SPIN3: variants seen among roughly 807,000 people sequenced by gnomAD.
The protein encoded by SPIN3 is spindlin family member 3, also known as spindlin-3.
For synonymous variants in SPIN3, 74 were observed against 74.3 expected (o/e 1.00, Z 0.02); for missense variants, 176 against 196.4 (o/e 0.90, Z 0.62).
Position 56,994,552 on chromosome X carries a change from T to G in SPIN3, c.396A>C (p.Ala132=). Residue 132 remains alanine (A), a synonymous_variant, in exon 2 of 2, where the codon GCA becomes GCC. Transcript: ENST00000374919. ...CCTCTGTCTCAAAAATATGTTCCAC[T>G]GCTTTGCCAACCATTATTTCTGCCA... ...THLAEIMVGK[A]VEHIFETEEG... is the part of the protein sequence containing the mutation. 8.2e-7 allele frequency: 1 copy of G among 1,212,180 alleles called. No homozygotes were observed. Among genetic ancestry groups the G allele is most frequent in the Non-Finnish European group, 1.1e-6 (1 of 895,631 alleles).
Position 56,992,968 on chromosome X carries a change from A to G in SPIN3, c.*1203T>C, listed in dbSNP as rs1441314265. On this transcript the variant is annotated 3_prime_UTR_variant, in exon 2 of 2. Transcript: ENST00000374919. ...AAATCTATTAGATTTCTATCTACCA[A>G]TGCCAGCACTTAAAACATCATTAAG... 1.7e-5 allele frequency: 2 copies of G among 114,603 alleles called. No homozygotes were observed. Among genetic ancestry groups the G allele is most frequent in the Non-Finnish European group, 3.6e-5 (2 of 55,303 alleles). The allele number at this position is 114,603 out of a possible 1,213,427, so 9.4% of individuals were successfully genotyped here.
chrX:56,987,475 G>A (rs1291819749), downstream of SPIN3, among the ~76,000 whole-genome samples: 1 of 111,343 alleles, frequency 9.0e-6, no homozygotes, highest in East Asian at 2.8e-4. Context: ...CCATTGCTCT[G>A]CTTTTTTGTT....
At chrX:56,976,308 T>C (rs1399577423), downstream of SPIN3, 1 of 111,963 alleles carries the variant, frequency 8.9e-6, no homozygotes, top group African/African-American at 3.2e-5. Flanking sequence ...TGACTAGAAT[T>C]ATTCTGTGTG....
chrX:56,992,297 G>T lies in SPIN3; in HGVS notation c.*1874C>A. ...AGTCCAAAGGGTCAAGAAGACATAAGATTATCACAATATCAACCTCACATC... is the reference window on the plus strand; with the variant it reads ...AGTCCAAAGGGTCAAGAAGACATAATATTATCACAATATCAACCTCACATC... On this transcript the variant is annotated 3_prime_UTR_variant, in exon 2 of 2. Transcript: ENST00000374919. 3.4e-6 allele frequency: 1 copy of T among 296,674 alleles called. No homozygotes were observed. Among genetic ancestry groups the T allele is most frequent in the East Asian group, 4.8e-5 (1 of 21,043 alleles). The allele number at this position is 296,674 out of a possible 1,213,427, so 24.4% of individuals were successfully genotyped here. A position where few individuals can be genotyped will look rare whatever the true frequency, so the allele number is the denominator to read the frequency against.
chrX:56,985,453 G>A (rs1406520376), intron 2 of SPIN3, among the ~76,000 whole-genome samples: 2 of 112,314 alleles, frequency 1.8e-5, no homozygotes, highest in South Asian at 3.7e-4. Context: ...GGGGTTGAAA[G>A]GCCTGTAAAT....
rs1006655689 is a variant in SPIN3, at chrX:56,992,124, A to T, written c.*2047T>A. On this transcript the variant is annotated 3_prime_UTR_variant, in exon 2 of 2. Coordinates refer to ENST00000374919, the MANE Select transcript of SPIN3 (RefSeq NM_001010862.3). ...TTCTCGTTTTTCTCATTTCAGCCATATAGATCTCACAAAGATGTCTGCCCA... is the reference window on the plus strand; with the variant it reads ...TTCTCGTTTTTCTCATTTCAGCCATTTAGATCTCACAAAGATGTCTGCCCA... 3.7e-5 allele frequency: 11 copies of T among 296,024 alleles called. No homozygotes were observed. Among genetic ancestry groups the T allele is most frequent in the Admixed American group, 6.1e-5 (1 of 16,264 alleles). 24.4% of individuals were successfully genotyped at this position (296,024 alleles called of 1,213,427 possible). A position where few individuals can be genotyped will look rare whatever the true frequency, so the allele number is the denominator to read the frequency against.
At chrX:56,985,496 C>T (rs187683258) in intron 2 of SPIN3, among the ~76,000 whole-genome samples, 41 of 112,439 alleles carry the variant, frequency 3.6e-4, no homozygotes, top group African/African-American at 1.1e-3. Flanking sequence ...ATTCTAGTTC[C>T]ACAGCTTCCT....
rs1033178747 is a variant in SPIN3, at chrX:56,995,472, CGGCGGTGGCGGT to C, written c.-271_-260del. ...GCGTCCTCCGCCTTCCTGGTGGCGGCGGCGGTGGCGGTGGCCGCAGCCCCTCTCCCACATCGG... is the reference window on the plus strand; with the variant it reads ...GCGTCCTCCGCCTTCCTGGTGGCGGCGGCCGCAGCCCCTCTCCCACATCGG... On this transcript the variant is annotated 5_prime_UTR_variant, in exon 1 of 2. Transcript: ENST00000374919. 1 of 113,862 alleles carries C rather than the reference CGGCGGTGGCGGT, an allele frequency of 8.8e-6. No homozygotes were observed. The highest frequency in any genetic ancestry group is 3.2e-5 in the African/African-American group (1 of 30,839). The allele number at this position is 113,862 out of a possible 1,213,427, so 9.4% of individuals were successfully genotyped here. A position where few individuals can be genotyped will look rare whatever the true frequency, so the allele number is the denominator to read the frequency against.
chrX:56,979,042 T>A, intron 3 of SPIN3: 1 of 111,426 alleles, frequency 9.0e-6, no homozygotes, highest in Admixed American at 9.5e-5. Context: ...GATTCCAAAT[T>A]CCTTAAACCT....
chrX:56,989,726 C>T (rs1055497171), downstream of SPIN3, among the ~76,000 whole-genome samples: 1 of 111,416 alleles, frequency 9.0e-6, no homozygotes, highest in Non-Finnish European at 1.9e-5. Flanking sequence ...GTGAACTGTG[C>T]ATGCAAGGAA....
At chrX:56,976,986 C>T (rs1188265012) in exon 6 of SPIN3, 1 of 111,772 alleles carries the variant, frequency 8.9e-6, no homozygotes, top group East Asian at 2.8e-4. Flanking sequence ...GAGCTGTTAC[C>T]TGTTTATGTA....
intron 3 of SPIN3, among the ~76,000 whole-genome samples, chrX:56,984,105 T>G (rs1260336057): frequency 9.0e-6 from 1 of 111,601 alleles, no homozygotes; most frequent in Non-Finnish European, 1.9e-5. Context: ...CTAATTTCCT[T>G]CTTTAATTAG....
At chrX:56,981,655 G>C (rs1924122253) in intron 3 of SPIN3, 1 of 112,080 alleles carries the variant, frequency 8.9e-6, no homozygotes, top group Admixed American at 9.5e-5. Context: ...GATGAGCACT[G>C]CAGACATTAA....
chrX:56,986,640 A>C (rs1461577600), downstream of SPIN3, among the ~76,000 whole-genome samples: 5 of 112,348 alleles, frequency 4.5e-5, no homozygotes. Context: ...TTAAACTAAT[A>C]ATACAAATGT....
At chrX:56,981,317 C>T (rs1210678629) in intron 3 of SPIN3, among the ~76,000 whole-genome samples, 2 of 102,207 alleles carry the variant, frequency 2.0e-5, no homozygotes, top group African/African-American at 3.6e-5. Context: ...GCCAAGATCA[C>T]ACCACTGAAC....
intron 3 of SPIN3, among the ~76,000 whole-genome samples, chrX:56,983,123 A>C (rs1464637661): frequency 2.7e-5 from 3 of 112,231 alleles, no homozygotes; most frequent in African/African-American, 9.7e-5. Context: ...AAAATTACAA[A>C]CTGCATTTCC....
chrX:56,979,273 C>G (rs897075450), intron 3 of SPIN3: 2 of 110,289 alleles, frequency 1.8e-5, no homozygotes, highest in African/African-American at 6.6e-5. Context: ...CATTGGTTAC[C>G]AAGAGTTTCT....
chrX:56,993,429 G>A lies in SPIN3; in HGVS notation c.*742C>T, dbSNP rs10521485. 28,812 of 110,356 alleles carry A rather than the reference G, an allele frequency of 0.26. 2,921 individuals are homozygous for A. The highest frequency in any genetic ancestry group is 0.53 in the Middle Eastern group (112 of 212). 9.1% of individuals were successfully genotyped at this position (110,356 alleles called of 1,213,427 possible). ...TCTGCAGATACCAGCCAGAGCTATT[G>A]GAGACAAGAGAGACCCTAATGCCAC... On this transcript the variant is annotated 3_prime_UTR_variant, in exon 2 of 2. Transcript: ENST00000374919.
chrX:56,995,253 G>A lies in SPIN3; in HGVS notation c.-40C>T. The A allele has an allele frequency of 3.5e-6, 1 of 286,004 alleles. No individual in the cohort carries two copies. Among genetic ancestry groups the A allele is most frequent in the Non-Finnish European group, 6.1e-6 (1 of 162,788 alleles). The allele number at this position is 286,004 out of a possible 1,213,427, so 23.6% of individuals were successfully genotyped here. On this transcript the variant is annotated 5_prime_UTR_variant, in exon 1 of 2. Transcript: ENST00000374919. ...CGCAGATTCCCCACCGTCCCGGATTGCGGGCCTCAAGTGCACAAATCGGAC... is the reference window on the plus strand; with the variant it reads ...CGCAGATTCCCCACCGTCCCGGATTACGGGCCTCAAGTGCACAAATCGGAC...
Sources: allele counts gnomAD v4.1 joint callset (sites outside exome capture counted in the v4.1 genomes callset), GRCh38; gene constraint gnomAD v4.1.1; transcripts MANE v1.5; gene names NCBI Gene and HGNC (gene_info 2026-07-23, HGNC 2026-07-21).